IPO4: variants seen among roughly 807,000 people sequenced by gnomAD.
IPO4 encodes importin 4.
IPO4 carries 91 observed loss-of-function variants against 133.5 expected under a neutral mutation model. The observed-to-expected ratio is 0.68, with a 90% CI of 0.58 to 0.81. The LOEUF is 0.81. Ranked by LOEUF, IPO4 falls within the 30% of genes least tolerant of loss-of-function variation. The pLI is 0.00. For synonymous variants in IPO4, 607 were observed against 581.6 expected (o/e 1.04, Z -0.63); for missense variants, 1,279 against 1,386.2 (o/e 0.92, Z 1.23).
In IPO4 at chr14:24,186,132, C is replaced by T. The variant is rs1281699613; in HGVS notation, c.1056G>A (p.Gln352=). The T allele has an allele frequency of 6.2e-7, 1 of 1,613,864 alleles. No homozygotes were observed. Among genetic ancestry groups the T allele is most frequent in the East Asian group, 2.2e-5 (1 of 44,868 alleles). Residue 352 remains glutamine, a synonymous_variant, in exon 11 of 30, where the codon CAG becomes CAA. Transcript: ENST00000354464. ...AGAAGGACAGAGCCACACTTACCAG[C>T]TGGGGACAGAGCTTCTCGGGGGGCA... ...LHLPPEKLCP[Q]LMPMLEEALR... is the part of the protein sequence containing the mutation.
rs374158670 is a variant in IPO4 at position 24,183,444 on chromosome 14, C to T, written c.2121+12G>A. 3.3e-4 allele frequency: 532 copies of T among 1,608,102 alleles called. No homozygotes were observed. The highest frequency in any genetic ancestry group is 4.1e-4 in the Non-Finnish European group (487 of 1,176,814). On this transcript the variant is annotated intron_variant, in intron 21 of 29. Transcript: ENST00000354464. The stretch of plus-strand genomic sequence containing the variant: ...TGAGAACCCCACCCACTCCACCCGC[C>T]GGCCCGCTCACCTCCAGCAGTTTAA...
chr14:24,185,249 G>C lies in IPO4; in HGVS notation c.1342C>G (p.Pro448Ala), dbSNP rs147041732. ...PLLLAYLKSV[P>A]LGHTHHLAKA... ...GCTAGGTGGTGTGTGTGTCCAAGAG[G>C]CACCGACTTCAAGTAGGCGAGGAGC... The change falls in exon 14 of 30, where the codon CCT becomes GCT. Residue 448 changes from proline to alanine, a missense_variant. Around this residue, in one of 3 missense-constraint regions of IPO4, gnomAD observed 695 missense variants for 704.1 expected, o/e 0.99. Coordinates refer to ENST00000354464, the MANE Select transcript of IPO4 (RefSeq NM_024658.4). The C allele has an allele frequency of 2.0e-4, 324 of 1,614,162 alleles. 2 individuals are homozygous for C. In the East Asian group the frequency reaches 6.8e-3, roughly 34 times the overall value.
In IPO4 at chr14:24,184,370, A is replaced by G. The variant is rs781536527; in HGVS notation, c.1685T>C (p.Leu562Pro). The G allele has an allele frequency of 6.2e-7, 1 of 1,606,952 alleles. No homozygotes were observed. Among genetic ancestry groups the G allele is most frequent in the Non-Finnish European group, 8.5e-7 (1 of 1,177,190 alleles). The change falls in exon 17 of 30, where the codon CTG becomes CCG. Residue 562 changes from leucine to proline, a missense_variant. Coordinates refer to ENST00000354464, the MANE Select transcript of IPO4 (RefSeq NM_024658.4). ...ACCCAGCTGGCAGCATTCCTCAGCC[A>G]GCGGCCTCATGGGCTCCCCCACTGC... ...ARAVGEPMRPLAEECCQLGLG... is the reference protein window; with the variant it reads ...ARAVGEPMRPPAEECCQLGLG...
chr14:24,188,594 C>A lies in IPO4; in HGVS notation c.114G>T (p.Leu38Phe), dbSNP rs755648639. Reference sequence around the variant, plus strand: ...AGGCTAGCAGGTCGCAGAGAGCCGGCAAAGCGGCGGGGGCCCGAAGAACGA... The same window carrying A: ...AGGCTAGCAGGTCGCAGAGAGCCGGAAAAGCGGCGGGGGCCCGAAGAACGA... ...LQIVLRAPAA[L>F]PALCDLLASA... is the part of the protein sequence containing the mutation. Residue 38 changes from leucine (L) to phenylalanine (F), a missense_variant, in exon 2 of 30, where the codon TTG (leucine) becomes TTT (phenylalanine). Transcript: ENST00000354464. 1.9e-6 allele frequency: 3 copies of A among 1,613,246 alleles called. No homozygotes were observed. The South Asian group carries it at 3.3e-5, about 18-fold the overall frequency.
chr14:24,181,654 C>T, intron 27 of IPO4, 37 bp from the exon 28 acceptor site: 1 of 1,613,478 alleles, frequency 6.2e-7, no homozygotes, highest in Non-Finnish European at 8.5e-7. Flanking sequence ...CCTGCCCTGC[C>T]CTCCACCACC....
rs756549163 is a variant in IPO4, at chr14:24,183,449, C to T, written c.2121+7G>A. On this transcript the variant is annotated splice_region_variant and intron_variant, in intron 21 of 29. Transcript: ENST00000354464. ...ACCCCACCCACTCCACCCGCCGGCCCGCTCACCTCCAGCAGTTTAAATACT... is the reference window on the plus strand; with the variant it reads ...ACCCCACCCACTCCACCCGCCGGCCTGCTCACCTCCAGCAGTTTAAATACT... 29 of 1,609,650 alleles carry T rather than the reference C, an allele frequency of 1.8e-5. No homozygotes were observed. Among genetic ancestry groups the T allele is most frequent in the Admixed American group, 6.7e-5 (4 of 59,408 alleles).
At position 24,180,431 on chromosome 14, in the gene IPO4, C is replaced by T. The variant is rs539514941; in HGVS notation, c.*11G>A. On this transcript the variant is annotated 3_prime_UTR_variant, in exon 30 of 30. Transcript: ENST00000354464. ...GGCTCTATTCTCTCTGGACTGGCTGCAGCCTGCAGTCTAGGAGAGGCCCAG... is the reference window on the plus strand; with the variant it reads ...GGCTCTATTCTCTCTGGACTGGCTGTAGCCTGCAGTCTAGGAGAGGCCCAG... The T allele has an allele frequency of 1.9e-5, 30 of 1,602,058 alleles. No individual in the cohort carries two copies. The East Asian group carries it at 5.8e-4, about 31-fold the overall frequency.
rs781536527 is a variant in IPO4 at position 24,184,370 on chromosome 14, A to T, written c.1685T>A (p.Leu562Gln). 8 of 1,606,834 alleles carry T rather than the reference A, an allele frequency of 5.0e-6. No homozygotes were observed. The highest frequency in any genetic ancestry group is 1.7e-5 in the Admixed American group (1 of 59,032). Residue 562 changes from leucine to glutamine, a missense_variant, in exon 17 of 30, where the codon CTG becomes CAG. This residue lies in a region of IPO4 where 9 missense variants were observed against 28.7 expected (regional missense o/e 0.31). Coordinates refer to ENST00000354464, the MANE Select transcript of IPO4 (RefSeq NM_024658.4). Reference sequence around the variant, plus strand: ...ACCCAGCTGGCAGCATTCCTCAGCCAGCGGCCTCATGGGCTCCCCCACTGC... The same window carrying T: ...ACCCAGCTGGCAGCATTCCTCAGCCTGCGGCCTCATGGGCTCCCCCACTGC... The part of the protein sequence containing the change: ...ARAVGEPMRP[L>Q]AEECCQLGLG...
chr14:24,188,324 C>A lies in IPO4; in HGVS notation c.236+20G>T, dbSNP rs753719559. The A allele has an allele frequency of 1.2e-6, 2 of 1,613,472 alleles. No individual in the cohort carries two copies. The highest frequency in any genetic ancestry group is 8.5e-7 in the Non-Finnish European group (1 of 1,179,730). Reference sequence around the variant, plus strand: ...AGAAAAGTCTCCGCCTGGCCCCGCCCCACCCCAGGCCCAGCCCACCTCTCC... The same window carrying A: ...AGAAAAGTCTCCGCCTGGCCCCGCCACACCCCAGGCCCAGCCCACCTCTCC... On this transcript the variant is annotated intron_variant, in intron 3 of 29. Coordinates refer to ENST00000354464, the MANE Select transcript of IPO4 (RefSeq NM_024658.4).
Position 24,182,450 on chromosome 14 carries a change from CTG to C in IPO4, c.2473-49_2473-48del, listed in dbSNP as rs778967815. 5 of 1,583,830 alleles carry C rather than the reference CTG, an allele frequency of 3.2e-6. No homozygotes were observed. In the African/African-American group the frequency reaches 6.7e-5, roughly 21 times the overall value. On this transcript the variant is annotated intron_variant, in intron 24 of 29. Coordinates refer to ENST00000354464, the MANE Select transcript of IPO4 (RefSeq NM_024658.4). ...TGGAGCACCAGGGCCAGCTCAGTGA[CTG>C]TACACCTCCCTCCCACGCTCTGCCA...
Position 24,188,802 on chromosome 14 carries a change from C to T in IPO4, c.-15G>A, listed in dbSNP as rs780704299. ...GCTGACTCCATGGCAGCAACTGAGC[C>T]GCCGCTACTGGGCCGAAAAGGGGAG... On this transcript the variant is annotated 5_prime_UTR_variant, in exon 1 of 30. Coordinates refer to ENST00000354464, the MANE Select transcript of IPO4 (RefSeq NM_024658.4). 2.0e-6 allele frequency: 3 copies of T among 1,487,668 alleles called. No individual in the cohort carries two copies. Among genetic ancestry groups the T allele is most frequent in the East Asian group, 2.4e-5 (1 of 42,196 alleles). 92.2% of individuals were successfully genotyped at this position (1,487,668 alleles called of 1,614,324 possible).
chr14:24,184,957 G>A lies in IPO4; in HGVS notation c.1432C>T (p.Pro478Ser), dbSNP rs1168154689. ...TGCAGCATGCATTCCATAAGCTCCG[G>A]AAGGTAGGGCTGCACCTTGGGCCCT... The part of the protein sequence containing the change: ...NLGPKVQPYL[P>S]ELMECMLQLL... The change falls in exon 15 of 30, where the codon CCG (proline) becomes TCG (serine). Residue 478 changes from proline (P) to serine (S), a missense_variant. By Grantham distance (74) the Pro-to-Ser change is moderately conservative. Coordinates refer to ENST00000354464, the MANE Select transcript of IPO4 (RefSeq NM_024658.4). The A allele has an allele frequency of 2.5e-6, 4 of 1,613,988 alleles. No homozygotes were observed. Among genetic ancestry groups the A allele is most frequent in the Admixed American group, 3.3e-5 (2 of 60,006 alleles).
chr14:24,181,409 G>A, intron 28 of IPO4, 104 bp downstream of exon 28: 1 of 836,940 alleles, frequency 1.2e-6, no homozygotes, highest in Non-Finnish European at 2.0e-6. Context: ...CCTTGCATCA[G>A]GTGCAACTGA....
intron 4 of IPO4, 117 bp downstream of exon 4, chr14:24,188,099 C>T (rs915869539): frequency 4.2e-5 from 47 of 1,113,506 alleles, no homozygotes; most frequent in Non-Finnish European, 5.4e-5. Flanking sequence ...AATCCTCACT[C>T]CACCTTGCGT....
At chr14:24,186,534 T>C (rs2138817998) in intron 9 of IPO4, 83 bp from the exon 10 acceptor site, 1 of 1,485,420 alleles carries the variant, frequency 6.7e-7, no homozygotes, top group Non-Finnish European at 9.1e-7. Context: ...TTCCAGGCCA[T>C]AAGGGGTCTG....
Position 24,183,583 on chromosome 14 carries a change from T to C in IPO4, c.2063+7A>G, listed in dbSNP as rs1254394603. 1.2e-6 allele frequency: 2 copies of C among 1,614,022 alleles called. No individual in the cohort carries two copies. Among genetic ancestry groups the C allele is most frequent in the Admixed American group, 1.7e-5 (1 of 60,000 alleles). The stretch of plus-strand genomic sequence containing the variant: ...GTTTTCAGTGCCAGGGAAGGGCGAA[T>C]GCTCACCTGGTGTTCACAGAGATCT... On this transcript the variant is annotated splice_region_variant and intron_variant, in intron 20 of 29. Coordinates refer to ENST00000354464, the MANE Select transcript of IPO4 (RefSeq NM_024658.4).
At chr14:24,180,854 G>A in intron 28 of IPO4, 96 bp from the exon 29 acceptor site, 1 of 985,794 alleles carries the variant, frequency 1.0e-6, no homozygotes, top group Non-Finnish European at 1.5e-6. Flanking sequence ...TCTTATCAGG[G>A]GGGTGGTTGC....
At position 24,180,524 on chromosome 14, in the gene IPO4, T is replaced by G; in HGVS notation, c.3164A>C (p.His1055Pro). The G allele has an allele frequency of 6.2e-7, 1 of 1,614,064 alleles. No individual in the cohort carries two copies. Among genetic ancestry groups the G allele is most frequent in the Non-Finnish European group, 8.5e-7 (1 of 1,179,986 alleles). The change falls in exon 30 of 30, where the codon CAC (histidine) becomes CCC (proline). Residue 1055 changes from histidine to proline, a missense_variant. By Grantham distance (77) the His-to-Pro change is moderately conservative. Transcript: ENST00000354464. ...CAGAGCTGCTTGAAAGCTGTCGGTG[T>G]GCTGTTTGGCCAGGAACGTCAGGAG... is the stretch of plus-strand genomic sequence containing the variant. ...LLLLTFLAKQ[H>P]TDSFQAALGS... is the part of the protein sequence containing the mutation.
In IPO4 at chr14:24,180,527, T is replaced by A. The variant is rs749813196; in HGVS notation, c.3161A>T (p.Gln1054Leu). 7 of 1,614,118 alleles carry A rather than the reference T, an allele frequency of 4.3e-6. No homozygotes were observed. The Admixed American group carries it at 1.2e-4, about 27-fold the overall frequency. ...LLLLLTFLAKQHTDSFQAALG... is the reference protein window; with the variant it reads ...LLLLLTFLAKLHTDSFQAALG... Reference sequence around the variant, plus strand: ...AGCTGCTTGAAAGCTGTCGGTGTGCTGTTTGGCCAGGAACGTCAGGAGCAG... The same window carrying A: ...AGCTGCTTGAAAGCTGTCGGTGTGCAGTTTGGCCAGGAACGTCAGGAGCAG... The change falls in exon 30 of 30, where the codon CAG becomes CTG. Residue 1054 changes from glutamine to leucine, a missense_variant. Gln to Leu is a moderately radical substitution (Grantham distance 113, BLOSUM62 -2). Around this residue, in one of 3 missense-constraint regions of IPO4, gnomAD observed 575 missense variants for 653.4 expected, o/e 0.88. Transcript: ENST00000354464.
Sources: gnomAD v4.1 joint callset for allele counts on GRCh38, gnomAD v4.1.1 for gene constraint, gnomAD v4.1.1 regional missense constraint, MANE v1.5 for transcripts, NCBI Gene and HGNC (gene_info 2026-07-23, HGNC 2026-07-21) for gene names.